The following PPP2R2C variants were observed in gnomAD, a reference collection of about 807,000 sequenced individuals.
The protein encoded by PPP2R2C is protein phosphatase 2 regulatory subunit Bgamma.
In PPP2R2C, 10 loss-of-function variants were observed where a neutral mutation model predicts 45.3. That is an observed-to-expected ratio of 0.22 (90% CI 0.14 to 0.37). PPP2R2C has a LOEUF of 0.37. Among genes scored for constraint, PPP2R2C ranks in the 10% least tolerant of loss-of-function variants. The pLI is 1.00. For synonymous variants in PPP2R2C, 257 were observed against 245.4 expected (o/e 1.05, Z -0.44); for missense variants, 308 against 619.7 (o/e 0.50, Z 5.34).
intron 2 of PPP2R2C, among the ~76,000 whole-genome samples, chr4:6,522,424 G>A (rs554223237): frequency 5.9e-5 from 9 of 152,322 alleles, no homozygotes; most frequent in African/African-American, 2.2e-4. Context: ...CCCCACAGCT[G>A]GGGACACAAG....
chr4:6,432,464 C>T (rs2109412344), intron 1 of PPP2R2C, among the ~76,000 whole-genome samples: 1 of 152,320 alleles, frequency 6.6e-6, no homozygotes, highest in African/African-American at 2.4e-5. Context: ...TTCCCCCTCT[C>T]CCCTCTACTC....
chr4:6,484,989 TC>T (rs1352886358), intron 2 of PPP2R2C, among the ~76,000 whole-genome samples: 1 of 151,842 alleles, frequency 6.6e-6, no homozygotes, highest in Admixed American at 6.6e-5. Flanking sequence ...TTTTGCCTTC[TC>T]CCAGTCTTAG....
At chr4:6,326,046 G>A (rs369412601) in intron 8 of PPP2R2C, among the ~76,000 whole-genome samples, 1 of 152,326 alleles carries the variant, frequency 6.6e-6, no homozygotes, top group South Asian at 2.1e-4. Context: ...TGCTCTCCTC[G>A]CCCCTTGGCC....
At chr4:6,381,843 C>T in intron 1 of PPP2R2C, 1 of 1,613,726 alleles carries the variant, frequency 6.2e-7, no homozygotes, top group Non-Finnish European at 8.5e-7. Context: ...AAAGACAGCC[C>T]CATCTCCAGG....
At chr4:6,511,546 A>ATGGTGG (rs1560593922) in intron 2 of PPP2R2C, among the ~76,000 whole-genome samples, 1 of 4,374 alleles carries the variant, frequency 2.3e-4, no homozygotes, top group African/African-American at 7.3e-4. Flanking sequence ...GGTGGTGGTG[A>ATGGTGG]TGGTGGTGGT....
intron 6 of PPP2R2C, among the ~76,000 whole-genome samples, chr4:6,340,924 T>C (rs1049165515): frequency 6.6e-6 from 1 of 152,258 alleles, no homozygotes; most frequent in Admixed American, 6.5e-5. Flanking sequence ...GTTCCCACTG[T>C]TGGGGAGCTT....
At chr4:6,511,825 G>GTGA (rs1723558807) in intron 2 of PPP2R2C, among the ~76,000 whole-genome samples, 1 of 39,710 alleles carries the variant, frequency 2.5e-5, no homozygotes, top group African/African-American at 8.4e-5. Flanking sequence ...GGTGATGGTG[G>GTGA]TGGTGGTGGT....
intron 6 of PPP2R2C, among the ~76,000 whole-genome samples, chr4:6,346,210 C>T (rs751530564): frequency 1.1e-4 from 16 of 152,230 alleles, no homozygotes; most frequent in South Asian, 4.1e-4. Context: ...GGACCCTCTG[C>T]GGCGTCTCCT....
chr4:6,452,342 T>C (rs1720779409), intron 1 of PPP2R2C, among the ~76,000 whole-genome samples: 1 of 152,144 alleles, frequency 6.6e-6, no homozygotes, highest in Non-Finnish European at 1.5e-5. Flanking sequence ...TCCCAGCTCC[T>C]GGGGCCCACC....
Position 6,503,807 on chromosome 4 carries a change from AAC to A in PPP2R2C, c.49+31462_49+31463del, listed in dbSNP as rs1491400860. Among the ~76,000 whole-genome samples the A allele has an allele frequency of 5.4e-3, 826 of 151,984 alleles. 10 individuals carry two copies. The highest frequency in any genetic ancestry group is 0.019 in the African/African-American group (788 of 41,416). ...ACTACTTGGCAATTAAAAAAAAAAA[AAC>A]AAAAACTGAGAATTCTGCTTCTAGC... On this transcript the variant is annotated intron_variant, in intron 2 of 9. Transcript: ENST00000506140.
intron 2 of PPP2R2C, among the ~76,000 whole-genome samples, chr4:6,519,471 G>C (rs1723946654): frequency 6.6e-6 from 1 of 152,104 alleles, no homozygotes; most frequent in East Asian, 1.9e-4. Context: ...CCCAGCCCCA[G>C]CTCCCGTCAT....
chr4:6,505,371 G>C (rs887571589), intron 2 of PPP2R2C, among the ~76,000 whole-genome samples: 2 of 152,212 alleles, frequency 1.3e-5, no homozygotes, highest in Admixed American at 6.5e-5. Flanking sequence ...TGGTAAACAT[G>C]TGGGTAAACA....
chr4:6,449,066 C>G (rs182919267), intron 1 of PPP2R2C, among the ~76,000 whole-genome samples: 1 of 152,162 alleles, frequency 6.6e-6, no homozygotes, highest in African/African-American at 2.4e-5. Context: ...CAGAACCTGT[C>G]AGAAGGAAGG....
intron 1 of PPP2R2C, among the ~76,000 whole-genome samples, chr4:6,463,369 G>A (rs1344802924): frequency 1.3e-5 from 2 of 152,140 alleles, no homozygotes; most frequent in African/African-American, 4.8e-5. Context: ...AGGGGTGGGG[G>A]TGGGGCTGCA....
At chr4:6,484,616 C>T (rs1278303179) in intron 2 of PPP2R2C, among the ~76,000 whole-genome samples, 1 of 151,620 alleles carries the variant, frequency 6.6e-6, no homozygotes, top group Non-Finnish European at 1.5e-5. Flanking sequence ...CAATCCACTC[C>T]CATAGTATAT....
intron 2 of PPP2R2C, among the ~76,000 whole-genome samples, chr4:6,508,620 C>T (rs539626743): frequency 6.6e-6 from 1 of 152,180 alleles, no homozygotes; most frequent in Admixed American, 6.5e-5. Flanking sequence ...AAAAAAGAAA[C>T]ACCTGAAGGT....
In PPP2R2C at chr4:6,364,861, C is replaced by T. The variant is rs1714140925; in HGVS notation, c.625+7662G>A. Among the ~76,000 whole-genome samples the T allele has an allele frequency of 1.3e-5, 2 of 152,174 alleles. No homozygotes were observed. The highest frequency in any genetic ancestry group is 2.1e-4 in the South Asian group (1 of 4,826). On this transcript the variant is annotated intron_variant, in intron 5 of 8. Coordinates refer to ENST00000382599, the MANE Select transcript of PPP2R2C (RefSeq NM_020416.4). This position sits in a 1 kb window ranked among gnomAD's most constrained non-coding sequence, Gnocchi z 5.3. ...TGCTGGGGGCAGACAGGCAGGTGGG[C>T]TCTGGGTGCATTTGGACGATGGGAT...
intron 5 of PPP2R2C, among the ~76,000 whole-genome samples, chr4:6,356,120 GC>G (rs769302906): frequency 1.3e-5 from 2 of 151,852 alleles, no homozygotes; most frequent in East Asian, 1.9e-4. Flanking sequence ...CACTGCACCT[GC>G]TCCAAGGCCC....
intron 6 of PPP2R2C, among the ~76,000 whole-genome samples, chr4:6,341,970 C>G (rs956203768): frequency 3.3e-5 from 5 of 151,966 alleles, no homozygotes; most frequent in African/African-American, 4.8e-5. Flanking sequence ...ATGAGAAGTG[C>G]GTATACAGTT....
Sources: allele counts gnomAD v4.1 joint callset (sites outside exome capture counted in the v4.1 genomes callset), GRCh38; gene constraint gnomAD v4.1.1; non-coding constraint Gnocchi (gnomAD v3.1); transcripts MANE v1.5; gene names NCBI Gene and HGNC (gene_info 2026-07-23, HGNC 2026-07-21).